COL13A1: variants seen among roughly 807,000 people sequenced by gnomAD.
COL13A1 encodes the protein collagen alpha-1(XIII) chain.
In COL13A1, 89 loss-of-function variants were observed where a neutral mutation model predicts 130.9. That is an observed-to-expected ratio of 0.68 (90% confidence interval 0.57 to 0.81). COL13A1 has a LOEUF of 0.81. Ranked by LOEUF, COL13A1 falls within the 30% of genes least tolerant of loss-of-function variation. COL13A1 has a pLI of 0.00. For synonymous variants in COL13A1, 402 were observed against 341.6 expected (o/e 1.18, Z -1.95); for missense variants, 879 against 934.6 (o/e 0.94, Z 0.78).
At chr10:69,958,157 G>T (rs1242853519) in intron 40 of COL13A1, among the ~76,000 whole-genome samples, 1 of 152,118 alleles carries the variant, frequency 6.6e-6, no homozygotes, top group Non-Finnish European at 1.5e-5. Context: ...TCCATCCCTG[G>T]AGGCTGGCCT....
chr10:69,958,856 A>C lies in COL13A1; in HGVS notation c.*155A>C. 9.9e-7 allele frequency: 1 copy of C among 1,010,220 alleles called. No homozygotes were observed. The highest frequency in any genetic ancestry group is 1.4e-6 in the Non-Finnish European group (1 of 707,358). 62.6% of individuals were successfully genotyped at this position (1,010,220 alleles called of 1,614,324 possible). A position where few individuals can be genotyped will look rare whatever the true frequency, so the allele number is the denominator to read the frequency against. On this transcript the variant is annotated 3_prime_UTR_variant, in exon 41 of 41. Transcript: ENST00000645393. ...TGCATATTTTGTACAGAAAATATCAACCTCTTCCCTTTTGTTTACAAGATG... is the reference window on the plus strand; with the variant it reads ...TGCATATTTTGTACAGAAAATATCACCCTCTTCCCTTTTGTTTACAAGATG...
intron 24 of COL13A1, 72 bp downstream of exon 24, chr10:69,923,927 AC>A: frequency 1.3e-6 from 2 of 1,551,414 alleles, no homozygotes; most frequent in Non-Finnish European, 1.7e-6. Flanking sequence ...ATCCCGGCCG[AC>A]CCTAGGGGTA....
chr10:69,928,666 G>A (rs1036474830), intron 27 of COL13A1, among the ~76,000 whole-genome samples: 1 of 152,154 alleles, frequency 6.6e-6, no homozygotes, highest in African/African-American at 2.4e-5. Flanking sequence ...AGCCCAAAGG[G>A]CGACCAGAGA....
intron 3 of COL13A1, among the ~76,000 whole-genome samples, chr10:69,870,715 T>C (rs2058978847): frequency 1.3e-5 from 2 of 151,914 alleles, no homozygotes; most frequent in African/African-American, 2.4e-5. Context: ...ACAAGCTACA[T>C]AAGGAAACAG....
At chr10:69,905,050 A>C (rs780377317) in intron 16 of COL13A1, 91 bp downstream of exon 16, 5 of 1,408,926 alleles carry the variant, frequency 3.5e-6, no homozygotes, top group Non-Finnish European at 4.9e-6. Flanking sequence ...CTGAGGCAGG[A>C]GCAGAGAGGG....
intron 4 of COL13A1, among the ~76,000 whole-genome samples, chr10:69,874,218 C>T (rs768114961): frequency 3.9e-4 from 59 of 152,198 alleles, no homozygotes; most frequent in Non-Finnish European, 6.0e-4. Context: ...ATGGTGGATG[C>T]TCATTGTTCC....
At position 69,927,155 on chromosome 10, in the gene COL13A1, G is replaced by A. The variant is rs199511258; in HGVS notation, c.1422+45G>A. The A allele has an allele frequency of 3.1e-4, 497 of 1,609,906 alleles. 2 individuals carry two copies. The Middle Eastern group carries it at 3.3e-3, about 11-fold the overall frequency. On this transcript the variant is annotated intron_variant, in intron 27 of 40. Coordinates refer to ENST00000645393, the MANE Select transcript of COL13A1 (RefSeq NM_001368882.1). ...GCTTTCCTTGGGCACTGGACGGGGG[G>A]GCTGGGGATGGCAGCCTGGAAGCAA...
chr10:69,895,122 G>T (rs983814417), intron 12 of COL13A1, among the ~76,000 whole-genome samples: 1 of 152,206 alleles, frequency 6.6e-6, no homozygotes, highest in East Asian at 1.9e-4. Context: ...CCCTTGGGCC[G>T]CTGGTACAGG....
chr10:69,816,614 T>C (rs1844584845), intron 1 of COL13A1, among the ~76,000 whole-genome samples: 1 of 151,520 alleles, frequency 6.6e-6, no homozygotes, highest in South Asian at 2.1e-4. Flanking sequence ...AGACATCAAG[T>C]AGATAAGAAG....
chr10:69,870,327 G>A (rs2058935496), intron 3 of COL13A1, among the ~76,000 whole-genome samples: 2 of 150,636 alleles, frequency 1.3e-5, no homozygotes, highest in African/African-American at 4.9e-5. Context: ...GGGTGAGAGA[G>A]TGAGAGGCAG....
intron 2 of COL13A1, among the ~76,000 whole-genome samples, chr10:69,839,216 G>A (rs551772248): frequency 3.3e-5 from 5 of 152,266 alleles, no homozygotes; most frequent in South Asian, 2.1e-4. Flanking sequence ...CTTGTGAAGC[G>A]CTTGCCATGT....
chr10:69,814,367 G>A (rs1378660736), intron 1 of COL13A1, among the ~76,000 whole-genome samples: 1 of 152,200 alleles, frequency 6.6e-6, no homozygotes, highest in East Asian at 1.9e-4. Flanking sequence ...TTGACCACTT[G>A]TCGCAGAGGT....
intron 1 of COL13A1, among the ~76,000 whole-genome samples, chr10:69,807,094 G>A (rs567655967): frequency 1.3e-5 from 2 of 152,322 alleles, no homozygotes; most frequent in South Asian, 4.1e-4. Flanking sequence ...CCTTTAAGGT[G>A]AGTTTTGAGA....
At chr10:69,924,411 C>T (rs2065076218) in intron 24 of COL13A1, among the ~76,000 whole-genome samples, 1 of 152,076 alleles carries the variant, frequency 6.6e-6, no homozygotes, top group Non-Finnish European at 1.5e-5. Flanking sequence ...GTCCTGTTTG[C>T]AACAGGAACA....
Position 69,841,586 on chromosome 10 carries a change from G to A in COL13A1, c.364+19148G>A, listed in dbSNP as rs188559090. ...TTTGCTAGGTGCTGGTAACCCGAGG[G>A]TGAGCAAGACATGACTTACGGTTCA... is the stretch of plus-strand genomic sequence containing the variant. On this transcript the variant is annotated intron_variant, in intron 2 of 40. Transcript: ENST00000645393. Among the ~76,000 whole-genome samples, 314 of 152,286 alleles carry A rather than the reference G, an allele frequency of 2.1e-3. 7 individuals are homozygous for A. The highest frequency in any genetic ancestry group is 0.018 in the Admixed American group (282 of 15,294).
intron 2 of COL13A1, among the ~76,000 whole-genome samples, chr10:69,853,780 C>G (rs1331017207): frequency 6.6e-6 from 1 of 152,144 alleles, no homozygotes; most frequent in Non-Finnish European, 1.5e-5. Flanking sequence ...TCTGCCTTGT[C>G]ATGGTAAGTG....
chr10:69,910,956 C>T (rs532306856), intron 17 of COL13A1, among the ~76,000 whole-genome samples: 1 of 152,320 alleles, frequency 6.6e-6, no homozygotes, highest in South Asian at 2.1e-4. Context: ...CACACATTCC[C>T]CTCTTTCAGG....
At chr10:69,830,530 A>G (rs1283388822) in intron 2 of COL13A1, among the ~76,000 whole-genome samples, 1 of 152,258 alleles carries the variant, frequency 6.6e-6, no homozygotes, top group Non-Finnish European at 1.5e-5. Context: ...AGTTAAAAAC[A>G]TAAAGACAAC....
Position 69,826,923 on chromosome 10 carries a change from C to T in COL13A1, c.364+4485C>T, listed in dbSNP as rs1166520011. On this transcript the variant is annotated intron_variant, in intron 2 of 40. Transcript: ENST00000645393. ...TGTGCTCAAACCCTCAAGAGCAAAA[C>T]TTGAAAAAAGAGACACAGATCACTT... Among the ~76,000 whole-genome samples the T allele has an allele frequency of 1.4e-4, 21 of 152,162 alleles. No homozygotes were observed. In the East Asian group the frequency reaches 4.0e-3, roughly 29 times the overall value.
Sources: allele counts gnomAD v4.1 joint callset (sites outside exome capture counted in the v4.1 genomes callset), GRCh38; gene constraint gnomAD v4.1.1; transcripts MANE v1.5; gene names NCBI Gene and HGNC (gene_info 2026-07-23, HGNC 2026-07-21).